Variants in ZNF573 observed in about 807,000 individuals in gnomAD.
The protein encoded by ZNF573 is zinc finger protein 573.
Under a neutral mutation model 57.4 loss-of-function variants are expected in ZNF573, and 41 were observed. That is an observed-to-expected ratio of 0.71 (90% CI 0.56 to 0.93). The LOEUF (loss-of-function observed/expected upper bound fraction) is 0.93, where lower values mean the gene tolerates loss of function less well. Ranked by LOEUF, ZNF573 falls within the 40% of genes least tolerant of loss-of-function variation. The pLI is 0.00. For missense variants in ZNF573, 730 were observed against 794.8 expected, an observed-to-expected ratio of 0.92 and a Z score of 0.98; for synonymous variants, 249 against 261.0, an observed-to-expected ratio of 0.95 and a Z score of 0.44.
At chr19:37,760,318 C>A (rs11672440) in intron 4 of ZNF573, among the ~76,000 whole-genome samples, 1 of 149,246 alleles carries the variant, frequency 6.7e-6, no homozygotes, top group Non-Finnish European at 1.5e-5. Context: ...ACTTGTAGTA[C>A]CAGAAAATAA....
chr19:37,739,709 G>C lies in ZNF573; in HGVS notation c.781C>G (p.Leu261Val), dbSNP rs762627218. The change falls in exon 5 of 5, where the codon CTT (leucine) becomes GTT (valine). Residue 261 changes from leucine (L) to valine (V), a missense_variant. Transcript: ENST00000536220. ...CGRAFSQGGH[L>V]RIHQRVHTGE... Reference sequence around the variant, plus strand: ...GTATGAACTCTCTGATGAATTCTAAGATGTCCACCTTGACTAAAGGCCCTC... The same window carrying C: ...GTATGAACTCTCTGATGAATTCTAACATGTCCACCTTGACTAAAGGCCCTC... 1 of 1,613,700 alleles carries C rather than the reference G, an allele frequency of 6.2e-7. No homozygotes were observed.
At chr19:37,758,874 CAAGT>C (rs1169845795) in intron 4 of ZNF573, among the ~76,000 whole-genome samples, 1 of 151,924 alleles carries the variant, frequency 6.6e-6, no homozygotes, top group East Asian at 1.9e-4. Flanking sequence ...AAACATATAA[CAAGT>C]AAGTCCAACT....
intron 4 of ZNF573, among the ~76,000 whole-genome samples, chr19:37,754,288 G>A (rs962981101): frequency 2.0e-5 from 3 of 152,074 alleles, no homozygotes; most frequent in Non-Finnish European, 4.4e-5. Context: ...TTGGGAGGCC[G>A]AGGTGGGTGG....
At chr19:37,753,628 C>T (rs976701524) in intron 4 of ZNF573, among the ~76,000 whole-genome samples, 8 of 152,070 alleles carry the variant, frequency 5.3e-5, no homozygotes, top group Admixed American at 3.9e-4. Context: ...TGGACATTAT[C>T]AGCACATGAA....
intron 4 of ZNF573, among the ~76,000 whole-genome samples, chr19:37,762,526 T>C (rs2045562094): frequency 6.6e-6 from 1 of 152,078 alleles, no homozygotes; most frequent in South Asian, 2.1e-4. Context: ...TTAGGCTAAC[T>C]CTCCAATGCT....
intron 2 of ZNF573, chr19:37,773,071 T>C (rs1214187912): frequency 7.3e-6 from 5 of 682,436 alleles, no homozygotes; most frequent in South Asian, 6.5e-5. Context: ...CCAGAATGGA[T>C]ACTGATATAG....
chr19:37,775,533 C>T (rs1297435995), intron 1 of ZNF573, among the ~76,000 whole-genome samples: 4 of 152,090 alleles, frequency 2.6e-5, no homozygotes, highest in African/African-American at 9.7e-5. Flanking sequence ...CTATTTACAA[C>T]TTATGGCCCT....
chr19:37,777,724 G>A (rs1444924449), intron 1 of ZNF573, among the ~76,000 whole-genome samples: 2 of 139,454 alleles, frequency 1.4e-5, no homozygotes, highest in African/African-American at 5.3e-5. Context: ...TGGCCATAGA[G>A]CAAGCCTTTG....
intron 4 of ZNF573, among the ~76,000 whole-genome samples, chr19:37,766,984 T>G (rs2045607052): frequency 6.6e-6 from 1 of 152,198 alleles, no homozygotes; most frequent in African/African-American, 2.4e-5. Context: ...ACTATAACTT[T>G]AAAGCAAGGA....
chr19:37,759,453 C>T lies in ZNF573; in HGVS notation c.295+10552G>A, dbSNP rs570664307. On this transcript the variant is annotated intron_variant, in intron 4 of 4. Transcript: ENST00000536220. The stretch of plus-strand genomic sequence containing the variant: ...TTTAAAAATTATAGTTTAGACCAGG[C>T]GCGGTGGCTCACGCCTGTAATCCCA... 2.6e-5 allele frequency among the ~76,000 whole-genome samples: 4 copies of T among 152,206 alleles called. No homozygotes were observed. The South Asian group carries it at 8.3e-4, about 32-fold the overall frequency.
chr19:37,745,678 G>A (rs2045375517), intron 4 of ZNF573, among the ~76,000 whole-genome samples: 1 of 152,180 alleles, frequency 6.6e-6, no homozygotes, highest in Admixed American at 6.5e-5. Context: ...TTACAGGCGT[G>A]AGCCACCACA....
chr19:37,759,480 A>C (rs1487866802), intron 4 of ZNF573, among the ~76,000 whole-genome samples: 4 of 152,010 alleles, frequency 2.6e-5, no homozygotes, highest in African/African-American at 7.2e-5. Flanking sequence ...GTAATCCCAG[A>C]ACTTTGGGAG....
chr19:37,765,542 C>T (rs1407912927), intron 4 of ZNF573, among the ~76,000 whole-genome samples: 1 of 152,016 alleles, frequency 6.6e-6, no homozygotes, highest in East Asian at 1.9e-4. Context: ...GAAACCCCAT[C>T]TCTACTAAAA....
intron 1 of ZNF573, among the ~76,000 whole-genome samples, chr19:37,775,928 G>A (rs1456953396): frequency 1.3e-5 from 2 of 150,316 alleles, no homozygotes; most frequent in Admixed American, 1.3e-4. Flanking sequence ...ACCTAATCAA[G>A]GAGGTGAAAG....
At chr19:37,775,725 A>G (rs1414624321) in intron 1 of ZNF573, among the ~76,000 whole-genome samples, 1 of 152,112 alleles carries the variant, frequency 6.6e-6, no homozygotes, top group African/African-American at 2.4e-5. Context: ...CTGACAAATA[A>G]ATTCAGTAAA....
intron 4 of ZNF573, among the ~76,000 whole-genome samples, chr19:37,754,902 A>G (rs1339939290): frequency 6.6e-6 from 1 of 152,302 alleles, no homozygotes; most frequent in East Asian, 1.9e-4. Flanking sequence ...GAATTAAAAG[A>G]TTTCTAAAAA....
Position 37,739,072 on chromosome 19 carries a change from T to C in ZNF573, c.1418A>G (p.Gln473Arg), listed in dbSNP as rs758212565. The change falls in exon 5 of 5, where the codon CAG becomes CGG. Residue 473 changes from glutamine to arginine, a missense_variant. Coordinates refer to ENST00000536220, the MANE Select transcript of ZNF573 (RefSeq NM_001172690.2). ...IHTGKKLFEC[Q>R]ECGKAYSTGS... is the part of the protein sequence containing the mutation. Reference sequence around the variant, plus strand: ...AGTACTATAGGCCTTCCCACATTCCTGACATTCAAAAAGTTTCTTACCAGT... The same window carrying C: ...AGTACTATAGGCCTTCCCACATTCCCGACATTCAAAAAGTTTCTTACCAGT... 6.2e-7 allele frequency: 1 copy of C among 1,612,960 alleles called. No individual in the cohort carries two copies. The highest frequency in any genetic ancestry group is 1.7e-5 in the Admixed American group (1 of 59,716).
chr19:37,753,739 A>C (rs993595199), intron 4 of ZNF573, among the ~76,000 whole-genome samples: 3 of 152,186 alleles, frequency 2.0e-5, no homozygotes, highest in Non-Finnish European at 1.5e-5. Flanking sequence ...AAAACAAAAA[A>C]ATTTTTATAG....
intron 2 of ZNF573, chr19:37,772,847 G>A: frequency 1.9e-6 from 1 of 519,352 alleles, no homozygotes; most frequent in Non-Finnish European, 2.5e-6. Flanking sequence ...TTTTTTGCAA[G>A]GGGTCTCAAA....
Sources: allele counts gnomAD v4.1 joint callset (sites outside exome capture counted in the v4.1 genomes callset), GRCh38; gene constraint gnomAD v4.1.1; transcripts MANE v1.5; gene names NCBI Gene and HGNC (gene_info 2026-07-23, HGNC 2026-07-21).